Variants in ATF7IP observed in about 807,000 individuals in gnomAD.
The protein encoded by ATF7IP is activating transcription factor 7 interacting protein.
In ATF7IP, 23 loss-of-function variants were observed where a neutral mutation model predicts 106.4. The ratio of observed to expected loss-of-function variants is 0.22; its 90% CI spans 0.16 to 0.31. ATF7IP has a LOEUF of 0.31. ATF7IP is among the 10% of genes least tolerant of loss of function. The probability of loss-of-function intolerance (pLI) is 1.00; values close to 1 mark genes in which losing one functional copy is unlikely to be tolerated. For missense variants in ATF7IP, 1,334 were observed against 1,524.3 expected (o/e 0.88, Z 2.08); for synonymous variants, 542 against 539.0 (o/e 1.01, Z -0.08).
At chr12:14,427,458 G>A (rs1008740989) in intron 2 of ATF7IP, among the ~76,000 whole-genome samples, 1 of 152,062 alleles carries the variant, frequency 6.6e-6, no homozygotes, top group Non-Finnish European at 1.5e-5. Flanking sequence ...CGCCTCCCGG[G>A]TTCAAGTGAT....
chr12:14,440,309 C>T (rs1441397241), intron 5 of ATF7IP, among the ~76,000 whole-genome samples: 1 of 152,162 alleles, frequency 6.6e-6, no homozygotes, highest in South Asian at 2.1e-4. Flanking sequence ...TCTGGTCCTT[C>T]CAAAGCATTG....
chr12:14,401,646 A>G (rs1190184486), intron 1 of ATF7IP, among the ~76,000 whole-genome samples: 1 of 150,076 alleles, frequency 6.7e-6, no homozygotes, highest in Admixed American at 6.6e-5. Context: ...GAGAGGGCAA[A>G]CATTTTTCAT....
intron 2 of ATF7IP, among the ~76,000 whole-genome samples, chr12:14,426,107 G>A (rs1407062783): frequency 6.6e-6 from 1 of 152,064 alleles, no homozygotes. Flanking sequence ...GTCCGTCTAT[G>A]TCTTAGATCT....
At chr12:14,371,164 A>T (rs527930896) in intron 1 of ATF7IP, among the ~76,000 whole-genome samples, 1 of 152,208 alleles carries the variant, frequency 6.6e-6, no homozygotes, top group African/African-American at 2.4e-5. Flanking sequence ...TCTACTTTAT[A>T]TCTTTTAAAT....
In ATF7IP at chr12:14,453,871, C is replaced by T. The variant is rs190097735; in HGVS notation, c.1996-2690C>T. Among the ~76,000 whole-genome samples the T allele has an allele frequency of 3.1e-3, 472 of 152,234 alleles. 2 individuals are homozygous for T. Among genetic ancestry groups the T allele is most frequent in the African/African-American group, 0.011 (444 of 41,554 alleles). On this transcript the variant is annotated intron_variant, in intron 6 of 14. Coordinates refer to ENST00000261168, the MANE Select transcript of ATF7IP (RefSeq NM_018179.5). The stretch of plus-strand genomic sequence containing the variant: ...AACTCCTGACCTCAGGTGATCTGCC[C>T]GCCTCGGCCTCCCAAAGTGCTGGGA...
chr12:14,402,972 T>C (rs1940340375), intron 1 of ATF7IP, among the ~76,000 whole-genome samples: 1 of 152,290 alleles, frequency 6.6e-6, no homozygotes, highest in African/African-American at 2.4e-5. Flanking sequence ...TCACAACGTA[T>C]TGGATATAGT....
intron 1 of ATF7IP, among the ~76,000 whole-genome samples, chr12:14,390,391 G>T (rs1036002114): frequency 2.0e-5 from 3 of 152,130 alleles, no homozygotes; most frequent in Admixed American, 2.0e-4. Context: ...AACAAGTAAC[G>T]ATTGAAAGTG....
chr12:14,433,477 C>G (rs1202807962), intron 2 of ATF7IP, among the ~76,000 whole-genome samples: 1 of 152,210 alleles, frequency 6.6e-6, no homozygotes, highest in African/African-American at 2.4e-5. Flanking sequence ...TGTACACTAG[C>G]CTGGCGACAG....
At chr12:14,450,835 C>G (rs1465392227) in intron 6 of ATF7IP, among the ~76,000 whole-genome samples, 2 of 151,968 alleles carry the variant, frequency 1.3e-5, no homozygotes, top group Non-Finnish European at 2.9e-5. Flanking sequence ...GAGTCTCACT[C>G]TGTCATCCAG....
chr12:14,393,678 T>C (rs1194907913), intron 1 of ATF7IP, among the ~76,000 whole-genome samples: 1 of 152,100 alleles, frequency 6.6e-6, no homozygotes, highest in Non-Finnish European at 1.5e-5. Context: ...ATGGAAAATA[T>C]TTTGGATAAC....
chr12:14,466,691 G>GT, intron 10 of ATF7IP, 101 bp downstream of exon 10: 1 of 924,498 alleles, frequency 1.1e-6, no homozygotes, highest in South Asian at 1.6e-5. Context: ...TTCTATGTGT[G>GT]TTTTTTATAA....
intron 1 of ATF7IP, among the ~76,000 whole-genome samples, chr12:14,392,227 TTTTTTTTC>T (rs146081130): frequency 0.043 from 6,495 of 152,048 alleles, 476 homozygotes; most frequent in African/African-American, 0.15. Flanking sequence ...CACAGATCTT[TTTTTTTTC>T]TTTTTTTTCT....
rs568277464 is a variant in ATF7IP at position 14,474,020 on chromosome 12, C to T, written c.2863-1870C>T. 5.9e-5 allele frequency among the ~76,000 whole-genome samples: 9 copies of T among 151,934 alleles called. No homozygotes were observed. The South Asian group carries it at 1.7e-3, about 28-fold the overall frequency. On this transcript the variant is annotated intron_variant, in intron 10 of 14. Coordinates refer to ENST00000261168, the MANE Select transcript of ATF7IP (RefSeq NM_018179.5). The stretch of plus-strand genomic sequence containing the variant: ...CTTAGTGTTTCTTCTGCTTGAGGTT[C>T]GTTGAACCTCTTGGATTTGTAAACT...
At position 14,456,622 on chromosome 12, in the gene ATF7IP, A is replaced by G; in HGVS notation, c.2057A>G (p.Asn686Ser). 6.2e-7 allele frequency: 1 copy of G among 1,608,102 alleles called. No individual in the cohort carries two copies. Among genetic ancestry groups the G allele is most frequent in the Non-Finnish European group, 8.5e-7 (1 of 1,175,616 alleles). The change falls in exon 7 of 15, where the codon AAC (asparagine) becomes AGC (serine). Residue 686 changes from asparagine to serine, a missense_variant. Transcript: ENST00000261168. ...KTVNDVNSNN[N>S]MSYRNAGTVR... ...GTAAATGATGTCAACAGCAATAATA[A>G]CATGTCTTACAGGTGAGAATTCATA...
rs926095017 is a variant in ATF7IP, at chr12:14,425,477, A to G, written c.1558+4A>G. ...CAAAATGAAACGTGCTCTCCAGGTT[A>G]GCATATAACTTAAATGTTAAAGATT... On this transcript the variant is annotated splice_donor_region_variant and intron_variant, in intron 2 of 14. Coordinates refer to ENST00000261168, the MANE Select transcript of ATF7IP (RefSeq NM_018179.5). 1.3e-6 allele frequency: 2 copies of G among 1,517,178 alleles called. No individual in the cohort carries two copies. Among genetic ancestry groups the G allele is most frequent in the Admixed American group, 2.4e-5 (1 of 41,412 alleles). The allele number at this position is 1,517,178 out of a possible 1,614,324, so 94.0% of individuals were successfully genotyped here.
rs1945126276 is a variant in ATF7IP, at chr12:14,500,239, G to A, written c.*2166G>A. On this transcript the variant is annotated 3_prime_UTR_variant, in exon 15 of 15. Coordinates refer to ENST00000261168, the MANE Select transcript of ATF7IP (RefSeq NM_018179.5). ...GCTTATAATAGGAAGTATTCTAGTTGTAAAGAAAACTCTTTAGAGACTTTT... is the reference window on the plus strand; with the variant it reads ...GCTTATAATAGGAAGTATTCTAGTTATAAAGAAAACTCTTTAGAGACTTTT... 4 of 152,142 alleles carry A rather than the reference G, an allele frequency of 2.6e-5. No homozygotes were observed. Among genetic ancestry groups the A allele is most frequent in the Non-Finnish European group, 5.9e-5 (4 of 68,030 alleles). The allele number at this position is 152,142 out of a possible 1,614,324, so 9.4% of individuals were successfully genotyped here.
At chr12:14,402,815 C>CAAG (rs1203388665) in intron 1 of ATF7IP, among the ~76,000 whole-genome samples, 3 of 152,196 alleles carry the variant, frequency 2.0e-5, no homozygotes, top group African/African-American at 7.2e-5. Flanking sequence ...CCAGGCTGGT[C>CAAG]TTGAACTTCT....
chr12:14,402,004 G>A (rs1157120554), intron 1 of ATF7IP, among the ~76,000 whole-genome samples: 4 of 151,458 alleles, frequency 2.6e-5, no homozygotes, highest in Non-Finnish European at 5.9e-5. Context: ...GAGCCACCGC[G>A]CCTGGCCTCA....
Position 14,378,697 on chromosome 12 carries a change from A to T in ATF7IP, c.-8+12870A>T, listed in dbSNP as rs1462626508. On this transcript the variant is annotated intron_variant, in intron 1 of 14. Transcript: ENST00000261168. ...TAAGCAGCCTACTTACACAGAATTG[A>T]CTGGTTTGTACAACATAATCATGAA... 2.6e-5 allele frequency among the ~76,000 whole-genome samples: 4 copies of T among 152,268 alleles called. No individual in the cohort carries two copies. The East Asian group carries it at 5.8e-4, about 22-fold the overall frequency.
Sources: gnomAD v4.1 joint callset for allele counts (sites outside exome capture counted in the v4.1 genomes callset) on GRCh38, gnomAD v4.1.1 for gene constraint, MANE v1.5 for transcripts, NCBI Gene and HGNC (gene_info 2026-07-23, HGNC 2026-07-21) for gene names.